The following TTLL9 variants were observed in gnomAD, a reference collection of about 807,000 sequenced individuals.
TTLL9 encodes probable tubulin polyglutamylase TTLL9.
TTLL9 carries 47 observed loss-of-function variants against 65.6 expected under a neutral mutation model. The observed-to-expected ratio is 0.72, with a 90% CI of 0.57 to 0.91. TTLL9 has a LOEUF of 0.91. Among genes scored for constraint, TTLL9 ranks in the 40% least tolerant of loss-of-function variants. The pLI, the probability that TTLL9 is intolerant of heterozygous loss-of-function variation, is 0.00. For missense variants in TTLL9, 537 were observed against 568.8 expected, an observed-to-expected ratio of 0.94 and a Z score of 0.57; for synonymous variants, 179 against 204.8, an observed-to-expected ratio of 0.87 and a Z score of 1.07.
At chr20:31,887,906 T>TCTTCTCTTCTCTTC (rs1555807954) in intron 3 of TTLL9, among the ~76,000 whole-genome samples, 1 of 9,554 alleles carries the variant, frequency 1.0e-4, no homozygotes, top group African/African-American at 4.3e-4. Flanking sequence ...CTCTTCTCTT[T>TCTTCTCTTCTCTTC]TGAGTTTCAC....
chr20:31,894,944 C>A (rs745789317), intron 3 of TTLL9, among the ~76,000 whole-genome samples: 1 of 152,112 alleles, frequency 6.6e-6, no homozygotes, highest in Non-Finnish European at 1.5e-5. Flanking sequence ...GGCTGCAGTG[C>A]TGATTATTGT....
chr20:31,923,165 GGATGCATGGAAAGA>G, intron 8 of TTLL9, 112 bp downstream of exon 8: 1 of 804,920 alleles, frequency 1.2e-6, no homozygotes, highest in Non-Finnish European at 2.2e-6. Flanking sequence ...AGGCATGAAG[GGATGCATGGAAAGA>G]GATGGGTTCT....
chr20:31,904,163 G>A (rs1280436297), intron 4 of TTLL9, among the ~76,000 whole-genome samples: 2 of 152,166 alleles, frequency 1.3e-5, no homozygotes, highest in African/African-American at 4.8e-5. Flanking sequence ...TGATGCTGAT[G>A]TGTCTTATCA....
intron 2 of TTLL9, among the ~76,000 whole-genome samples, chr20:31,880,961 C>T (rs954194704): frequency 6.6e-6 from 1 of 150,998 alleles, no homozygotes; most frequent in African/African-American, 2.5e-5. Context: ...GATTTTCCTC[C>T]CTCTGCTTCC....
chr20:31,888,931 C>T (rs1178895705), intron 3 of TTLL9, among the ~76,000 whole-genome samples: 1 of 152,066 alleles, frequency 6.6e-6, no homozygotes, highest in Non-Finnish European at 1.5e-5. Flanking sequence ...ATCCAACCAC[C>T]TCCCACCAGG....
Position 31,887,288 on chromosome 20 carries a change from C to T in TTLL9, c.113+49C>T, listed in dbSNP as rs113386198. The stretch of plus-strand genomic sequence containing the variant: ...CAATCACAGCGCAACCAACTTCTCT[C>T]CCTCCCTCCCCTTTTCAATCCCTCT... On this transcript the variant is annotated intron_variant, in intron 3 of 14. Coordinates refer to ENST00000535842, the MANE Select transcript of TTLL9 (RefSeq NM_001008409.5). 5 of 1,581,664 alleles carry T rather than the reference C, an allele frequency of 3.2e-6. No homozygotes were observed. In the African/African-American group the frequency reaches 5.4e-5, roughly 17 times the overall value.
At chr20:31,911,193 A>G (rs1231800970) in intron 6 of TTLL9, among the ~76,000 whole-genome samples, 1 of 152,080 alleles carries the variant, frequency 6.6e-6, no homozygotes, top group Non-Finnish European at 1.5e-5. Flanking sequence ...AAGAAAAAAG[A>G]AAAAGAAACT....
intron 2 of TTLL9, among the ~76,000 whole-genome samples, chr20:31,877,453 T>C (rs1224158813): frequency 1.3e-5 from 2 of 152,206 alleles, no homozygotes; most frequent in Admixed American, 6.5e-5. Context: ...AATTTTGAGG[T>C]AGTCAGATTT....
At chr20:31,873,733 A>G in intron 2 of TTLL9, among the ~76,000 whole-genome samples, 1 of 131,332 alleles carries the variant, frequency 7.6e-6, no homozygotes, top group East Asian at 2.0e-4. Flanking sequence ...AAAGAAAGAA[A>G]GAAAAAGGAA....
At chr20:31,879,845 C>G (rs1239258228) in intron 2 of TTLL9, 19 of 1,549,810 alleles carry the variant, frequency 1.2e-5, no homozygotes, top group Non-Finnish European at 1.6e-5. Context: ...GCGAGGCGCG[C>G]GGTGGCGGTT....
intron 2 of TTLL9, among the ~76,000 whole-genome samples, chr20:31,878,146 T>C (rs2063062558): frequency 6.6e-6 from 1 of 152,250 alleles, no homozygotes; most frequent in South Asian, 2.1e-4. Flanking sequence ...TAGTTTCCAA[T>C]CAGCTATGGT....
chr20:31,889,968 CTCTCTCTT>C (rs1375216450), intron 3 of TTLL9, among the ~76,000 whole-genome samples: 2,222 of 129,818 alleles, frequency 0.017, 58 homozygotes, highest in African/African-American at 0.051. Context: ...CAAGCCACAT[CTCTCTCTT>C]TCTTTCTTTC....
intron 3 of TTLL9, among the ~76,000 whole-genome samples, chr20:31,892,876 G>A (rs757739020): frequency 3.3e-5 from 5 of 152,010 alleles, no homozygotes; most frequent in East Asian, 1.9e-4. Flanking sequence ...CCCTCTGATC[G>A]TTTGTGCTGC....
chr20:31,934,456 C>A (rs545334861), intron 11 of TTLL9: 7 of 664,166 alleles, frequency 1.1e-5, no homozygotes, highest in South Asian at 1.1e-4. Flanking sequence ...AAGGGGCCTA[C>A]GCAGGCCATG....
chr20:31,943,350 C>T lies in TTLL9; in HGVS notation c.*329C>T. 1 of 385,348 alleles carries T rather than the reference C, an allele frequency of 2.6e-6. No homozygotes were observed. The highest frequency in any genetic ancestry group is 4.9e-6 in the Non-Finnish European group (1 of 202,846). 23.9% of individuals were successfully genotyped at this position (385,348 alleles called of 1,614,324 possible). A position where few individuals can be genotyped will look rare whatever the true frequency, so the allele number is the denominator to read the frequency against. ...GGAGATCATATCTAATAAATGAGCACAGGCCCTACTTGGAGTCACTGGGCA... is the reference window on the plus strand; with the variant it reads ...GGAGATCATATCTAATAAATGAGCATAGGCCCTACTTGGAGTCACTGGGCA... On this transcript the variant is annotated 3_prime_UTR_variant, in exon 15 of 15. Coordinates refer to ENST00000535842, the MANE Select transcript of TTLL9 (RefSeq NM_001008409.5).
chr20:31,874,761 A>G (rs901078485), intron 2 of TTLL9, among the ~76,000 whole-genome samples: 1 of 152,192 alleles, frequency 6.6e-6, no homozygotes, highest in Non-Finnish European at 1.5e-5. Context: ...GGGGCCCAAC[A>G]TAATCACAAG....
At chr20:31,885,142 G>A (rs1429349100) in intron 2 of TTLL9, among the ~76,000 whole-genome samples, 1 of 152,160 alleles carries the variant, frequency 6.6e-6, no homozygotes, top group Non-Finnish European at 1.5e-5. Context: ...AATATCTGTA[G>A]ATTCAATGCA....
At chr20:31,931,063 C>T (rs57497255) in intron 10 of TTLL9, among the ~76,000 whole-genome samples, 2,228 of 149,760 alleles carry the variant, frequency 0.015, 59 homozygotes, top group African/African-American at 0.051. Context: ...TACTTTGCCC[C>T]AGCATCCTCT....
In TTLL9 at chr20:31,943,256, T is replaced by G. The variant is rs1410478322; in HGVS notation, c.*235T>G. On this transcript the variant is annotated 3_prime_UTR_variant, in exon 15 of 15. Coordinates refer to ENST00000535842, the MANE Select transcript of TTLL9 (RefSeq NM_001008409.5). Reference sequence around the variant, plus strand: ...GCCAATCACTGGGACTGGGGGAGGTTTAACCTTGACAAACTGACTTGGCAG... The same window carrying G: ...GCCAATCACTGGGACTGGGGGAGGTGTAACCTTGACAAACTGACTTGGCAG... 1 of 579,222 alleles carries G rather than the reference T, an allele frequency of 1.7e-6. No homozygotes were observed. Among genetic ancestry groups the G allele is most frequent in the African/African-American group, 1.9e-5 (1 of 53,306 alleles). The allele number at this position is 579,222 out of a possible 1,614,324, so 35.9% of individuals were successfully genotyped here.
Sources: gnomAD v4.1 joint callset for allele counts (sites outside exome capture counted in the v4.1 genomes callset) on GRCh38, gnomAD v4.1.1 for gene constraint, MANE v1.5 for transcripts, NCBI Gene and HGNC (gene_info 2026-07-23, HGNC 2026-07-21) for gene names.